Variants in SORCS3 observed in about 807,000 individuals in gnomAD.
The protein encoded by SORCS3 is VPS10 domain-containing receptor SorCS3.
Under a neutral mutation model 146.3 loss-of-function variants are expected in SORCS3, and 57 were observed. The observed-to-expected ratio is 0.39, with a 90% CI of 0.31 to 0.49. The LOEUF (loss-of-function observed/expected upper bound fraction) is 0.49, where lower values mean the gene tolerates loss of function less well. Among genes scored for constraint, SORCS3 ranks in the 20% least tolerant of loss-of-function variants. The probability of loss-of-function intolerance (pLI) is 0.92; values close to 1 mark genes in which losing one functional copy is unlikely to be tolerated. For synonymous variants in SORCS3, 653 were observed against 618.5 expected (o/e 1.06, Z -0.83); for missense variants, 1,341 against 1,575.5 (o/e 0.85, Z 2.52).
chr10:105,210,986 A>C, intron 16 of SORCS3, 151 bp from the exon 17 acceptor site: 2 of 547,048 alleles, frequency 3.7e-6, no homozygotes, highest in Non-Finnish European at 6.6e-6. Context: ...TCATTTTCAA[A>C]ATATGAATAT....
At chr10:105,244,359 T>A (rs981815833) in intron 20 of SORCS3, among the ~76,000 whole-genome samples, 59 of 152,294 alleles carry the variant, frequency 3.9e-4, no homozygotes, top group African/African-American at 1.4e-3. Context: ...GGTTGTTTTT[T>A]TTCAAGAAAT....
chr10:105,263,285 TC>T (rs2056972327), intron 26 of SORCS3, 24 bp from the exon 27 acceptor site: 2 of 1,612,666 alleles, frequency 1.2e-6, no homozygotes, highest in Non-Finnish European at 1.7e-6. Flanking sequence ...CATCCATTTC[TC>T]CCTGTGTCTT....
At chr10:105,080,441 A>G (rs1056142643) in intron 5 of SORCS3, among the ~76,000 whole-genome samples, 1 of 151,612 alleles carries the variant, frequency 6.6e-6, no homozygotes, top group Non-Finnish European at 1.5e-5. Context: ...TAGATGCTGG[A>G]CTTTTGTCAG....
intron 13 of SORCS3, among the ~76,000 whole-genome samples, chr10:105,171,693 G>A (rs1165205700): frequency 6.6e-6 from 1 of 152,132 alleles, no homozygotes; most frequent in East Asian, 1.9e-4. Flanking sequence ...TCATGTACTG[G>A]GGATAAAATG....
intron 1 of SORCS3, among the ~76,000 whole-genome samples, chr10:104,793,381 A>G (rs148395343): frequency 2.6e-3 from 400 of 152,326 alleles, no homozygotes; most frequent in Middle Eastern, 6.8e-3. Flanking sequence ...GTGCGTGACT[A>G]TTGAAAGCTT....
intron 1 of SORCS3, among the ~76,000 whole-genome samples, chr10:104,830,015 A>C (rs540507996): frequency 3.9e-5 from 6 of 152,174 alleles, no homozygotes; most frequent in South Asian, 4.1e-4. Flanking sequence ...TAAGCCCCAC[A>C]TGTATTAGGT....
At chr10:105,014,528 A>G (rs577719097) in intron 4 of SORCS3, among the ~76,000 whole-genome samples, 5 of 152,302 alleles carry the variant, frequency 3.3e-5, no homozygotes, top group Admixed American at 6.5e-5. Flanking sequence ...TGCTGCACAT[A>G]ATCCTATCAA....
chr10:104,895,345 C>T (rs573558407), intron 2 of SORCS3, among the ~76,000 whole-genome samples: 8 of 152,172 alleles, frequency 5.3e-5, no homozygotes, highest in Non-Finnish European at 7.3e-5. Flanking sequence ...GGTGCAAACT[C>T]GTGCCCCATC....
intron 1 of SORCS3, among the ~76,000 whole-genome samples, chr10:104,769,127 A>G (rs1018518916): frequency 6.6e-6 from 1 of 152,216 alleles, no homozygotes; most frequent in Admixed American, 6.5e-5. Context: ...CTGCCAACTT[A>G]CTTGCATTTA....
chr10:105,015,071 A>C lies in SORCS3; in HGVS notation c.955-27984A>C, dbSNP rs143207208. 1.7e-3 allele frequency among the ~76,000 whole-genome samples: 266 copies of C among 152,336 alleles called. 1 individual carries two copies. The highest frequency in any genetic ancestry group is 6.0e-3 in the African/African-American group (250 of 41,588). ...AATCAATGCAATGCAAATTAAGACT[A>C]TAGTAAGGGACTATTTATTACCCAC... On this transcript the variant is annotated intron_variant, in intron 4 of 26. Coordinates refer to ENST00000369701, the MANE Select transcript of SORCS3 (RefSeq NM_014978.3).
intron 20 of SORCS3, among the ~76,000 whole-genome samples, chr10:105,227,933 TATGTC>T (rs1269687676): frequency 2.0e-5 from 3 of 151,938 alleles, no homozygotes; most frequent in Non-Finnish European, 4.4e-5. Flanking sequence ...TCAGTCTGTA[TATGTC>T]ATGACAGGTG....
chr10:104,990,497 T>C (rs1248258622), intron 4 of SORCS3, among the ~76,000 whole-genome samples: 1 of 152,074 alleles, frequency 6.6e-6, no homozygotes, highest in African/African-American at 2.4e-5. Context: ...ATTTGTGAGG[T>C]CAAGGATGGG....
intron 3 of SORCS3, among the ~76,000 whole-genome samples, chr10:104,943,473 A>G (rs762285288): frequency 3.9e-5 from 6 of 152,224 alleles, no homozygotes; most frequent in Non-Finnish European, 8.8e-5. Flanking sequence ...AATATGTGAT[A>G]AATATGTTAA....
rs367700549 is a variant in SORCS3 at position 104,947,709 on chromosome 10, G to A, written c.796-29626G>A. On this transcript the variant is annotated intron_variant, in intron 3 of 26. Coordinates refer to ENST00000369701, the MANE Select transcript of SORCS3 (RefSeq NM_014978.3). ...GCAATCTTGGCTCAGTGCAATCTCT[G>A]CCTCCCAGGTTCAAGCTGTTCTCCT... Among the ~76,000 whole-genome samples, 16 of 152,246 alleles carry A rather than the reference G, an allele frequency of 1.1e-4. No individual in the cohort carries two copies. In the East Asian group the frequency reaches 2.3e-3, roughly 22 times the overall value.
chr10:104,817,352 C>T (rs1400552276), intron 1 of SORCS3, among the ~76,000 whole-genome samples: 2 of 135,798 alleles, frequency 1.5e-5, no homozygotes, highest in Non-Finnish European at 3.2e-5. Context: ...TCCCTCCTCC[C>T]CCCTCTTCCA....
At chr10:104,723,504 G>A (rs2016578528) in intron 1 of SORCS3, among the ~76,000 whole-genome samples, 1 of 152,174 alleles carries the variant, frequency 6.6e-6, no homozygotes, top group African/African-American at 2.4e-5. Context: ...TCTGCTTGAT[G>A]CAGAGCTGAG....
chr10:104,891,661 T>C (rs953471136), intron 2 of SORCS3, among the ~76,000 whole-genome samples: 1 of 152,164 alleles, frequency 6.6e-6, no homozygotes, highest in African/African-American at 2.4e-5. Flanking sequence ...AGTTCTTAAA[T>C]TGTTTCATGT....
intron 2 of SORCS3, among the ~76,000 whole-genome samples, chr10:104,855,003 A>G (rs2018314134): frequency 6.6e-6 from 1 of 152,194 alleles, no homozygotes; most frequent in Non-Finnish European, 1.5e-5. Context: ...GCTATGGAAA[A>G]TAATGCTGTT....
intron 13 of SORCS3, among the ~76,000 whole-genome samples, chr10:105,177,149 A>C (rs1347667275): frequency 6.6e-6 from 1 of 152,128 alleles, no homozygotes; most frequent in Non-Finnish European, 1.5e-5. Context: ...CAGCACTATG[A>C]TAGGAGAAGG....
Sources: gnomAD v4.1 joint callset for allele counts (sites outside exome capture counted in the v4.1 genomes callset) on GRCh38, gnomAD v4.1.1 for gene constraint, MANE v1.5 for transcripts, NCBI Gene and HGNC (gene_info 2026-07-23, HGNC 2026-07-21) for gene names.